Variants in KCNU1 observed in about 807,000 individuals in gnomAD.
The protein encoded by KCNU1 is potassium channel subfamily U member 1.
Under a neutral mutation model 126.8 loss-of-function variants are expected in KCNU1, and 93 were observed. The ratio of observed to expected loss-of-function variants is 0.73; its 90% CI spans 0.62 to 0.87. KCNU1 has a LOEUF of 0.87. KCNU1 is among the 40% of genes least tolerant of loss of function. The pLI is 0.00. For missense variants in KCNU1, 1,330 were observed against 1,367.1 expected, an observed-to-expected ratio of 0.97 and a Z score of 0.43; for synonymous variants, 523 against 494.2, an observed-to-expected ratio of 1.06 and a Z score of -0.77.
At chr8:36,835,966 T>G (rs531181066) in intron 12 of KCNU1, among the ~76,000 whole-genome samples, 4 of 152,342 alleles carry the variant, frequency 2.6e-5, no homozygotes, top group African/African-American at 9.6e-5. Context: ...ATCAAATTTC[T>G]ATTTTTACCT....
Position 36,928,012 on chromosome 8 carries a change from G to T in KCNU1, c.2737-2939G>T, listed in dbSNP as rs182320664. Among the ~76,000 whole-genome samples the T allele has an allele frequency of 4.6e-3, 638 of 139,538 alleles. 4 individuals are homozygous for T. The highest frequency in any genetic ancestry group is 0.016 in the African/African-American group (601 of 38,130). The allele number at this position is 139,538 out of a possible 152,430, so 91.5% of individuals were successfully genotyped here. A position where few individuals can be genotyped will look rare whatever the true frequency, so the allele number is the denominator to read the frequency against. ...GATGGAAGGAAGGAAGGGAGGGAGG[G>T]AGGGAAGGAGGGAGGGACGGAGGGA... On this transcript the variant is annotated intron_variant, in intron 24 of 26. Transcript: ENST00000399881.
intron 18 of KCNU1, among the ~76,000 whole-genome samples, chr8:36,864,200 A>G (rs1188080665): frequency 2.0e-5 from 3 of 152,092 alleles, no homozygotes; most frequent in Non-Finnish European, 4.4e-5. Context: ...CACCATATGG[A>G]ACTGAAATTC....
Position 36,807,791 on chromosome 8 carries a change from A to G in KCNU1, c.656+341A>G, listed in dbSNP as rs114183950. 2.5e-3 allele frequency among the ~76,000 whole-genome samples: 374 copies of G among 150,822 alleles called. 3 individuals are homozygous for G. The highest frequency in any genetic ancestry group is 8.8e-3 in the African/African-American group (359 of 40,730). ...TTGGTTCTATATATTTGCTTTAGTA[A>G]CTCATGTCTCTCCTGGCTAGGTAAA... On this transcript the variant is annotated intron_variant, in intron 6 of 26. Transcript: ENST00000399881.
chr8:36,788,710 A>T (rs1384132250), intron 2 of KCNU1, among the ~76,000 whole-genome samples: 1 of 152,144 alleles, frequency 6.6e-6, no homozygotes, highest in Admixed American at 6.5e-5. Context: ...GAAGTTTTTG[A>T]TCTCTTTTCC....
chr8:36,851,831 GTTTA>G (rs367546039), intron 18 of KCNU1, among the ~76,000 whole-genome samples: 319 of 152,206 alleles, frequency 2.1e-3, no homozygotes, highest in African/African-American at 7.3e-3. Context: ...CACTGAATGT[GTTTA>G]TTAGTTCTAA....
intron 7 of KCNU1, among the ~76,000 whole-genome samples, chr8:36,812,613 A>T (rs1803766313): frequency 1.3e-5 from 2 of 152,198 alleles, no homozygotes; most frequent in African/African-American, 2.4e-5. Context: ...ATAAGAATTC[A>T]GTTTTGAAAT....
At chr8:36,816,769 AGTTCT>A (rs1445143294) in intron 9 of KCNU1, among the ~76,000 whole-genome samples, 1 of 152,164 alleles carries the variant, frequency 6.6e-6, no homozygotes, top group Non-Finnish European at 1.5e-5. Flanking sequence ...ATATGCATAG[AGTTCT>A]GCACCTGTCT....
intron 20 of KCNU1, among the ~76,000 whole-genome samples, chr8:36,908,516 C>T (rs996765733): frequency 7.5e-5 from 8 of 106,160 alleles, no homozygotes; most frequent in Admixed American, 1.2e-4. Context: ...TGCTATCCCT[C>T]CCCCCTCCCC....
At chr8:36,931,354 T>G (rs898915933) in intron 25 of KCNU1, among the ~76,000 whole-genome samples, 1 of 152,084 alleles carries the variant, frequency 6.6e-6, no homozygotes, top group Non-Finnish European at 1.5e-5. Flanking sequence ...TTTATAATAA[T>G]TATGGGAAGT....
At chr8:36,899,106 T>C (rs1315725506) in intron 19 of KCNU1, among the ~76,000 whole-genome samples, 1 of 152,064 alleles carries the variant, frequency 6.6e-6, no homozygotes, top group Non-Finnish European at 1.5e-5. Context: ...TACAAATTCA[T>C]AGAAAAAGCG....
chr8:36,874,459 C>T (rs534034917), intron 19 of KCNU1, among the ~76,000 whole-genome samples: 3 of 152,222 alleles, frequency 2.0e-5, no homozygotes, highest in South Asian at 2.1e-4. Flanking sequence ...ATAGTGGGAA[C>T]GCCACTCTAC....
At chr8:36,851,523 C>A (rs1330670445) in intron 18 of KCNU1, among the ~76,000 whole-genome samples, 4 of 151,982 alleles carry the variant, frequency 2.6e-5, no homozygotes, top group Admixed American at 6.6e-5. Context: ...TCAATTAAAC[C>A]GTTTTTCTTC....
chr8:36,868,740 A>T (rs1224810499), intron 19 of KCNU1, among the ~76,000 whole-genome samples: 1 of 152,150 alleles, frequency 6.6e-6, no homozygotes, highest in African/African-American at 2.4e-5. Context: ...ATGGTAGTTA[A>T]ATATATATTT....
intron 19 of KCNU1, chr8:36,889,419 C>A (rs78935591): frequency 0.012 from 3,878 of 333,686 alleles, 156 homozygotes; most frequent in African/African-American, 0.078. Flanking sequence ...TCATCTTGAG[C>A]TTTTTAATTG....
In KCNU1 at chr8:36,811,431, C is replaced by G. The variant is rs139492019; in HGVS notation, c.732+2638C>G. Among the ~76,000 whole-genome samples the G allele has an allele frequency of 6.8e-3, 1,035 of 152,150 alleles. 20 individuals are homozygous for G. Among genetic ancestry groups the G allele is most frequent in the African/African-American group, 0.024 (986 of 41,512 alleles). On this transcript the variant is annotated intron_variant, in intron 7 of 26. Coordinates refer to ENST00000399881, the MANE Select transcript of KCNU1 (RefSeq NM_001031836.3). Reference sequence around the variant, plus strand: ...ATGAGACTAGCTTCAAGTTTCTTGACAACATTGGTCAATACCAGAAGATGA... The same window carrying G: ...ATGAGACTAGCTTCAAGTTTCTTGAGAACATTGGTCAATACCAGAAGATGA...
intron 19 of KCNU1, among the ~76,000 whole-genome samples, chr8:36,898,955 G>C (rs1341933122): frequency 6.6e-6 from 1 of 152,010 alleles, no homozygotes; most frequent in Admixed American, 6.6e-5. Context: ...TACTAACATT[G>C]TAGAAAATTC....
chr8:36,893,558 C>T (rs948868514), intron 19 of KCNU1, among the ~76,000 whole-genome samples: 13 of 151,924 alleles, frequency 8.6e-5, no homozygotes, highest in African/African-American at 3.1e-4. Context: ...TTTTTTCTCT[C>T]TGGTGGCTGC....
chr8:36,840,659 G>A (rs1398940351), intron 15 of KCNU1, 84 bp downstream of exon 15: 4 of 818,426 alleles, frequency 4.9e-6, no homozygotes, highest in Non-Finnish European at 2.0e-6. Context: ...TATAGGCCAG[G>A]CTTCATTACA....
In KCNU1 at chr8:36,896,646, A is replaced by G. The variant is rs111572040; in HGVS notation, c.2010-9062A>G. ...GGACTTTTACCCCTGGAACTCTGAG[A>G]AAGAAGGTCCGTTCCTTTGAGGTGA... On this transcript the variant is annotated intron_variant, in intron 19 of 26. Coordinates refer to ENST00000399881, the MANE Select transcript of KCNU1 (RefSeq NM_001031836.3). 2.3e-3 allele frequency among the ~76,000 whole-genome samples: 352 copies of G among 152,150 alleles called. 3 individuals carry two copies. Among genetic ancestry groups the G allele is most frequent in the African/African-American group, 8.0e-3 (334 of 41,558 alleles).
Sources: allele counts gnomAD v4.1 joint callset (sites outside exome capture counted in the v4.1 genomes callset), GRCh38; gene constraint gnomAD v4.1.1; transcripts MANE v1.5; gene names NCBI Gene and HGNC (gene_info 2026-07-23, HGNC 2026-07-21).